The following CHST11 variants were observed in gnomAD, a reference collection of about 807,000 sequenced individuals.
CHST11 encodes C4S-1.
A neutral mutation model predicts 30.4 loss-of-function variants in CHST11; 9 were observed. The observed-to-expected ratio is 0.30, with a 90% CI of 0.18 to 0.52. The LOEUF (loss-of-function observed/expected upper bound fraction) is 0.52, where lower values mean the gene tolerates loss of function less well. Ranked by LOEUF, CHST11 falls within the 20% of genes least tolerant of loss-of-function variation. CHST11 has a pLI of 0.97. For missense variants in CHST11, 348 were observed against 460.6 expected (o/e 0.76, Z 2.24); for synonymous variants, 152 against 187.8 (o/e 0.81, Z 1.56).
intron 2 of CHST11, among the ~76,000 whole-genome samples, chr12:104,735,454 A>G (rs1009535263): frequency 2.0e-5 from 3 of 152,248 alleles, no homozygotes; most frequent in African/African-American, 7.2e-5. Context: ...AGATGAGCCT[A>G]GATCACTGGC....
chr12:104,475,689 T>TATATATATATATATATATATATAA (rs1232136682), intron 1 of CHST11, among the ~76,000 whole-genome samples: 35 of 77,554 alleles, frequency 4.5e-4, no homozygotes, highest in African/African-American at 1.2e-3. Context: ...TATATATATA[T>TATATATATATATATATATATATAA]ATTTCTGATT....
intron 1 of CHST11, among the ~76,000 whole-genome samples, chr12:104,477,503 A>G (rs2037575368): frequency 6.6e-6 from 1 of 152,164 alleles, no homozygotes; most frequent in Non-Finnish European, 1.5e-5. Context: ...GTTGAAACCT[A>G]ATCCCCAATA....
intron 2 of CHST11, among the ~76,000 whole-genome samples, chr12:104,659,159 A>T (rs2039573648): frequency 2.6e-5 from 4 of 152,224 alleles, no homozygotes; most frequent in African/African-American, 9.6e-5. Context: ...AAGAACTGGG[A>T]TGATGCCATG....
chr12:104,475,773 C>G (rs1016280235), intron 1 of CHST11, among the ~76,000 whole-genome samples: 2 of 136,738 alleles, frequency 1.5e-5, no homozygotes, highest in Non-Finnish European at 3.1e-5. Flanking sequence ...TACCCCAATC[C>G]CTGCCATATA....
Position 104,757,866 on chromosome 12 carries a change from T to C in CHST11, c.*63T>C. 2.8e-6 allele frequency: 4 copies of C among 1,442,720 alleles called. No individual in the cohort carries two copies. The Middle Eastern group carries it at 7.4e-4, about 266-fold the overall frequency. 89.4% of individuals were successfully genotyped at this position (1,442,720 alleles called of 1,614,324 possible). A position where few individuals can be genotyped will look rare whatever the true frequency, so the allele number is the denominator to read the frequency against. Reference sequence around the variant, plus strand: ...TTAAGATTTTTATTTGTCAAAAGAATTATATGGATATTGGGTTATTTTGTA... The same window carrying C: ...TTAAGATTTTTATTTGTCAAAAGAACTATATGGATATTGGGTTATTTTGTA... On this transcript the variant is annotated 3_prime_UTR_variant, in exon 3 of 3. Transcript: ENST00000303694. This position sits in a 1 kb window ranked among gnomAD's most constrained non-coding sequence, Gnocchi z 6.5.
chr12:104,517,593 C>A (rs557229019), intron 1 of CHST11, among the ~76,000 whole-genome samples: 1 of 152,110 alleles, frequency 6.6e-6, no homozygotes, highest in Admixed American at 6.5e-5. Context: ...AACCAGCTCC[C>A]GGGTGATGAT....
intron 2 of CHST11, among the ~76,000 whole-genome samples, chr12:104,688,130 G>C (rs997500671): frequency 3.3e-5 from 5 of 152,208 alleles, no homozygotes; most frequent in African/African-American, 1.2e-4. Flanking sequence ...AAGAACGCCA[G>C]GCTGTTGCAG....
At chr12:104,508,583 A>G (rs1488360849) in intron 1 of CHST11, among the ~76,000 whole-genome samples, 1 of 152,246 alleles carries the variant, frequency 6.6e-6, no homozygotes, top group Non-Finnish European at 1.5e-5. Flanking sequence ...GTCAGAAATA[A>G]CAGGGTCACT....
rs575297368 is a variant in CHST11, at chr12:104,599,791, T to C, written c.119-2115T>C. ...CTGGGGCAGTTCTCTAGGGCAAGGG[T>C]TGGCAAACTCTAGCCCAAGGGCCAA... On this transcript the variant is annotated intron_variant, in intron 1 of 2. Coordinates refer to ENST00000303694, the MANE Select transcript of CHST11 (RefSeq NM_018413.6). Among the ~76,000 whole-genome samples, 4 of 151,982 alleles carry C rather than the reference T, an allele frequency of 2.6e-5. No individual in the cohort carries two copies. The South Asian group carries it at 6.3e-4, about 24-fold the overall frequency.
intron 1 of CHST11, among the ~76,000 whole-genome samples, chr12:104,506,599 G>A (rs1392259487): frequency 6.6e-6 from 1 of 152,182 alleles, no homozygotes; most frequent in Non-Finnish European, 1.5e-5. Flanking sequence ...CACCCTCAGG[G>A]ATTCTAGCTG....
intron 1 of CHST11, among the ~76,000 whole-genome samples, chr12:104,511,523 G>A (rs747763589): frequency 4.6e-5 from 7 of 152,192 alleles, no homozygotes; most frequent in Non-Finnish European, 7.4e-5. Context: ...TATAGTTGGA[G>A]CATGCATGGC....
chr12:104,476,641 A>G (rs7300417), intron 1 of CHST11, among the ~76,000 whole-genome samples: 6,228 of 152,052 alleles, frequency 0.041, 310 homozygotes, highest in East Asian at 0.16. Flanking sequence ...CAGAGGGGCA[A>G]TTCAGAGGTT....
intron 2 of CHST11, 145 bp downstream of exon 2, chr12:104,602,136 AC>A (rs925165510): frequency 1.1e-5 from 7 of 630,156 alleles, no homozygotes; most frequent in Non-Finnish European, 1.7e-5. Flanking sequence ...TTTCTCCGTC[AC>A]CCTTTTTCTA....
rs528097242 is a variant in CHST11 at position 104,676,251 on chromosome 12, G to C, written c.204+74260G>C. Among the ~76,000 whole-genome samples, 1 of 152,162 alleles carries C rather than the reference G, an allele frequency of 6.6e-6. No individual in the cohort carries two copies. Among genetic ancestry groups the C allele is most frequent in the Non-Finnish European group, 1.5e-5 (1 of 68,032 alleles). On this transcript the variant is annotated intron_variant, in intron 2 of 2. Coordinates refer to ENST00000303694, the MANE Select transcript of CHST11 (RefSeq NM_018413.6). The surrounding 1 kb of genome is among the most constrained non-coding windows in gnomAD (Gnocchi z 4.4). ...GTCAGGAGTCTGAAATGGGTCTCCT[G>C]GGGCAAGAATCAAGGTGTCCGCAGA...
intron 2 of CHST11, among the ~76,000 whole-genome samples, chr12:104,687,790 T>A: frequency 1.3e-5 from 2 of 152,030 alleles, no homozygotes; most frequent in Non-Finnish European, 2.9e-5. Flanking sequence ...CCCCCAAAAT[T>A]TTTTTTTCCC....
chr12:104,681,725 C>T (rs1479249358), intron 2 of CHST11, among the ~76,000 whole-genome samples: 3 of 151,918 alleles, frequency 2.0e-5, no homozygotes, highest in African/African-American at 7.3e-5. Context: ...AGCATGCACC[C>T]GTAGTCCCAG....
At chr12:104,577,079 G>A (rs939903208) in intron 1 of CHST11, among the ~76,000 whole-genome samples, 1 of 151,842 alleles carries the variant, frequency 6.6e-6, no homozygotes, top group Non-Finnish European at 1.5e-5. Context: ...CTCCAGGTGG[G>A]GTGCTTCAAC....
intron 2 of CHST11, among the ~76,000 whole-genome samples, chr12:104,642,048 G>A (rs2039381809): frequency 6.6e-6 from 1 of 152,126 alleles, no homozygotes; most frequent in Non-Finnish European, 1.5e-5. Context: ...TGGTGCACAG[G>A]ACAATCCTTA....
intron 1 of CHST11, among the ~76,000 whole-genome samples, chr12:104,501,596 CTG>C (rs1294939318): frequency 6.6e-6 from 1 of 152,232 alleles, no homozygotes; most frequent in African/African-American, 2.4e-5. Context: ...AGCCGACACT[CTG>C]AGCACCCTCC....
Sources: gnomAD v4.1 joint callset for allele counts (sites outside exome capture counted in the v4.1 genomes callset) on GRCh38, gnomAD v4.1.1 for gene constraint, Gnocchi (gnomAD v3.1) non-coding constraint, MANE v1.5 for transcripts, NCBI Gene and HGNC (gene_info 2026-07-23, HGNC 2026-07-21) for gene names.